The following BCKDHB variants were observed in gnomAD, a reference collection of about 807,000 sequenced individuals.
The protein encoded by BCKDHB is branched chain keto acid dehydrogenase E1 subunit beta, also known as 2-oxoisovalerate dehydrogenase subunit beta, mitochondrial.
Under a neutral mutation model 48.5 loss-of-function variants are expected in BCKDHB, and 41 were observed. That is an observed-to-expected ratio of 0.85 (90% CI 0.66 to 1.10). The LOEUF (loss-of-function observed/expected upper bound fraction) is 1.10, where lower values mean the gene tolerates loss of function less well. Among genes scored for constraint, BCKDHB ranks in the 50% least tolerant of loss-of-function variants. The pLI, the probability that BCKDHB is intolerant of heterozygous loss-of-function variation, is 0.00. For missense variants in BCKDHB, 496 were observed against 494.2 expected, an observed-to-expected ratio of 1.00 and a Z score of -0.03; for synonymous variants, 201 against 174.8, an observed-to-expected ratio of 1.15 and a Z score of -1.18.
intron 8 of BCKDHB, among the ~76,000 whole-genome samples, chr6:80,246,011 G>A (rs649148): frequency 0.87 from 132,315 of 152,148 alleles, 57,806 homozygotes; most frequent in East Asian, 0.99. Context: ...GGAAGGGGGA[G>A]GTTGCAGTAA....
the BCKDHB span, among the ~76,000 whole-genome samples, chr6:80,412,007 T>C: frequency 6.6e-6 from 1 of 152,162 alleles, no homozygotes; most frequent in Non-Finnish European, 1.5e-5. Flanking sequence ...GGTACCTCAG[T>C]TGGAAATGCA....
the BCKDHB span, among the ~76,000 whole-genome samples, chr6:80,433,168 C>T: frequency 6.6e-6 from 1 of 152,180 alleles, no homozygotes; most frequent in African/African-American, 2.4e-5. Context: ...GGCAGTCTGA[C>T]CCTTAGCAGA....
At chr6:80,233,484 C>T (rs576457394) in intron 8 of BCKDHB, among the ~76,000 whole-genome samples, 1 of 152,234 alleles carries the variant, frequency 6.6e-6, no homozygotes, top group South Asian at 2.1e-4. Context: ...CATCATTGCT[C>T]TTATCTGCCT....
At chr6:80,451,136 T>G in the BCKDHB span, among the ~76,000 whole-genome samples, 11 of 152,200 alleles carry the variant, frequency 7.2e-5, no homozygotes. Context: ...ACTAAAGTTT[T>G]CTTTCCCCGG....
the BCKDHB span, among the ~76,000 whole-genome samples, chr6:80,387,817 G>A: frequency 1.3e-5 from 2 of 152,216 alleles, no homozygotes; most frequent in African/African-American, 4.8e-5. Context: ...TTTCACTTCT[G>A]CAAGATATCA....
At chr6:80,340,347 T>C (rs1769823735) in intron 9 of BCKDHB, among the ~76,000 whole-genome samples, 1 of 152,140 alleles carries the variant, frequency 6.6e-6, no homozygotes, top group South Asian at 2.1e-4. Context: ...TAGAGAAAAG[T>C]TTCTCTAGGT....
the BCKDHB span, among the ~76,000 whole-genome samples, chr6:80,409,270 A>G: frequency 6.6e-6 from 1 of 151,880 alleles, no homozygotes; most frequent in Admixed American, 6.6e-5. Context: ...CTGTTCTGTT[A>G]CATTTGCTGA....
the BCKDHB span, among the ~76,000 whole-genome samples, chr6:80,436,208 GAGTGC>G: frequency 7.3e-6 from 1 of 136,578 alleles, no homozygotes; most frequent in African/African-American, 2.7e-5. Flanking sequence ...GGCTGGAGTG[GAGTGC>G]AGTGGCGCGA....
At chr6:80,130,194 T>C (rs1486552855) in intron 3 of BCKDHB, among the ~76,000 whole-genome samples, 2 of 152,230 alleles carry the variant, frequency 1.3e-5, no homozygotes, top group South Asian at 2.1e-4. Context: ...GAAATGCTTT[T>C]GACATTTTAT....
Position 80,299,172 on chromosome 6 carries a change from C to A in BCKDHB, c.1038+25951C>A, listed in dbSNP as rs140134846. Among the ~76,000 whole-genome samples the A allele has an allele frequency of 5.1e-3, 770 of 152,162 alleles. 8 individuals are homozygous for A. Among genetic ancestry groups the A allele is most frequent in the African/African-American group, 0.016 (669 of 41,500 alleles). On this transcript the variant is annotated intron_variant, in intron 9 of 9. Coordinates refer to ENST00000320393, the MANE Select transcript of BCKDHB (RefSeq NM_183050.4). ...CATCCTTGCCTTTTATTAAGAGGGG[C>A]CTTTAACCCACTCTGTCTTAGGAGA...
chr6:80,442,498 A>AAAC, the BCKDHB span, among the ~76,000 whole-genome samples: 3 of 152,186 alleles, frequency 2.0e-5, no homozygotes, highest in Non-Finnish European at 4.4e-5. Flanking sequence ...TGTATAGTTA[A>AAAC]AACACCACAT....
chr6:80,439,264 A>G, the BCKDHB span, among the ~76,000 whole-genome samples: 2 of 152,148 alleles, frequency 1.3e-5, no homozygotes, highest in Admixed American at 1.3e-4. Flanking sequence ...ATTTTGGTGG[A>G]ACTCAGTCGC....
chr6:80,445,248 T>C, the BCKDHB span, among the ~76,000 whole-genome samples: 1 of 152,224 alleles, frequency 6.6e-6, no homozygotes, highest in East Asian at 1.9e-4. Flanking sequence ...GCTTTCAGTA[T>C]ACAGGACTGA....
At chr6:80,436,880 GTTGA>G in the BCKDHB span, among the ~76,000 whole-genome samples, 1 of 152,136 alleles carries the variant, frequency 6.6e-6, no homozygotes. Context: ...CAAACTACAG[GTTGA>G]TTGTCACTAC....
the BCKDHB span, among the ~76,000 whole-genome samples, chr6:80,429,197 T>TTTCTGAGGC: frequency 1.3e-5 from 2 of 152,350 alleles, no homozygotes; most frequent in Admixed American, 6.5e-5. Context: ...TGTGGTGTTA[T>TTTCTGAGGC]TTCTGAGGCT....
chr6:80,277,079 A>T (rs984652241), intron 9 of BCKDHB, among the ~76,000 whole-genome samples: 2 of 152,006 alleles, frequency 1.3e-5, no homozygotes, highest in African/African-American at 2.4e-5. Flanking sequence ...GAACTTTTTC[A>T]TTCTTTTCTT....
chr6:80,179,334 A>T (rs1212135542), intron 6 of BCKDHB, among the ~76,000 whole-genome samples: 1 of 152,234 alleles, frequency 6.6e-6, no homozygotes, highest in Admixed American at 6.5e-5. Context: ...TTCCAGAGCC[A>T]TAAGTTTAAC....
downstream of BCKDHB, among the ~76,000 whole-genome samples, chr6:80,349,464 G>A (rs955187001): frequency 2.6e-5 from 4 of 152,100 alleles, no homozygotes; most frequent in Non-Finnish European, 4.4e-5. Flanking sequence ...ATAAAGCAAA[G>A]TCAAACATAA....
chr6:80,438,389 A>G, the BCKDHB span, among the ~76,000 whole-genome samples: 2 of 152,178 alleles, frequency 1.3e-5, no homozygotes, highest in African/African-American at 4.8e-5. Flanking sequence ...TATTTTTTCT[A>G]TTACAAAAAT....
Sources: allele counts gnomAD v4.1 joint callset (sites outside exome capture counted in the v4.1 genomes callset), GRCh38; gene constraint gnomAD v4.1.1; transcripts MANE v1.5; gene names NCBI Gene and HGNC (gene_info 2026-07-23, HGNC 2026-07-21).